Variants in AMY2A observed in about 807,000 individuals in gnomAD.
AMY2A encodes the protein amylase alpha 2A, also known as pancreatic alpha-amylase.
A neutral mutation model predicts 43.0 loss-of-function variants in AMY2A; 16 were observed. The observed-to-expected ratio is 0.37, with a 90% CI of 0.25 to 0.56. AMY2A has a LOEUF of 0.56. Among genes scored for constraint, AMY2A ranks in the 20% least tolerant of loss-of-function variants. The pLI is 0.77. For missense variants in AMY2A, 212 were observed against 456.8 expected (o/e 0.46, Z 4.89); for synonymous variants, 70 against 144.6 (o/e 0.48, Z 3.70).
chr1:103,617,271 A>T, upstream of AMY2A: 4 of 1,355,872 alleles, frequency 3.0e-6, no homozygotes, highest in South Asian at 5.7e-5. Context: ...TCCATGAGAG[A>T]CTTTTTGATG....
In AMY2A at chr1:103,623,478, G is replaced by A. The variant is rs1385924555; in HGVS notation, c.1102-388G>A. ...AATTTTTTAAAAATTAGCTGGTTGCGGTGGTGCACACCAACAGTCTTAGCT... is the reference window on the plus strand; with the variant it reads ...AATTTTTTAAAAATTAGCTGGTTGCAGTGGTGCACACCAACAGTCTTAGCT... On this transcript the variant is annotated intron_variant, in intron 7 of 9. Transcript: ENST00000414303. Among the ~76,000 whole-genome samples the A allele has an allele frequency of 1.1e-4, 9 of 79,126 alleles. 1 individual carries two copies. Among genetic ancestry groups the A allele is most frequent in the African/African-American group, 4.4e-4 (5 of 11,382 alleles). 51.9% of individuals were successfully genotyped at this position (79,126 alleles called of 152,430 possible). A position where few individuals can be genotyped will look rare whatever the true frequency, so the allele number is the denominator to read the frequency against.
At chr1:103,618,149 T>A (rs192494583) in intron 2 of AMY2A, 49 bp downstream of exon 2, 1 of 1,575,774 alleles carries the variant, frequency 6.3e-7, no homozygotes, top group Non-Finnish European at 8.6e-7. Context: ...GAAAATGGTT[T>A]CTCTCTCTTC....
At chr1:103,618,410 T>C (rs1653141356) in intron 2 of AMY2A, among the ~76,000 whole-genome samples, 3 of 150,768 alleles carry the variant, frequency 2.0e-5, no homozygotes, top group Admixed American at 6.6e-5. Context: ...TAATTCCAGT[T>C]ACAATGTTTG....
rs752403541 is a variant in AMY2A, at chr1:103,618,077, G to T, written c.292G>T (p.Val98Leu). ...AAATGAAGATGAATTTAGAAACATG[G>T]TGACTAGATGTAACAATGTTGGGGT... is the stretch of plus-strand genomic sequence containing the variant. The part of the protein sequence containing the change: ...SGNEDEFRNM[V>L]TRCNNVGVRI... The change falls in exon 2 of 10, where the codon GTG becomes TTG. Residue 98 changes from valine (V) to leucine (L), a missense_variant. Val to Leu is a conservative substitution (Grantham distance 32). Around this residue, in one of 2 missense-constraint regions of AMY2A, gnomAD observed 199 missense variants for 210.6 expected, o/e 0.94. Coordinates refer to ENST00000414303, the MANE Select transcript of AMY2A (RefSeq NM_000699.4). 6.2e-6 allele frequency: 10 copies of T among 1,600,016 alleles called. No individual in the cohort carries two copies. The Admixed American group carries it at 1.7e-4, about 27-fold the overall frequency.
upstream of AMY2A, chr1:103,617,314 C>A (rs2101097486): frequency 6.6e-7 from 1 of 1,513,066 alleles, no homozygotes; most frequent in Non-Finnish European, 9.0e-7. Context: ...ATTGATAATC[C>A]TTTTCAGATT....
chr1:103,619,858 T>C, intron 4 of AMY2A, 74 bp downstream of exon 4: 2 of 1,581,900 alleles, frequency 1.3e-6, no homozygotes, highest in Non-Finnish European at 1.7e-6. Context: ...TAATTAAAAA[T>C]GCAATTTCTG....
chr1:103,624,277 C>CT (rs1024089576), intron 9 of AMY2A, 56 bp downstream of exon 9: 15 of 656,700 alleles, frequency 2.3e-5, no homozygotes, highest in Admixed American at 8.3e-5. Flanking sequence ...TTGGTTTATT[C>CT]TTTTTTTTCT....
intron 1 of AMY2A, 107 bp from the exon 2 acceptor site, chr1:103,617,847 C>G: frequency 1.9e-6 from 3 of 1,566,036 alleles, no homozygotes; most frequent in East Asian, 2.2e-5. Flanking sequence ...AGATAGCTGC[C>G]TATACCAAGA....
In AMY2A at chr1:103,619,899, C is replaced by A; in HGVS notation, c.744+115C>A. ...TAAGGAATGAGACATTTACATAAAA[C>A]AGTGTTCTTTAACCTCCTCTTCTTC... On this transcript the variant is annotated intron_variant, in intron 4 of 9. Transcript: ENST00000414303. 4 of 1,505,744 alleles carry A rather than the reference C, an allele frequency of 2.7e-6. 1 individual carries two copies. The highest frequency in any genetic ancestry group is 3.6e-6 in the Non-Finnish European group (4 of 1,100,014). 93.3% of individuals were successfully genotyped at this position (1,505,744 alleles called of 1,614,324 possible).
Position 103,618,070 on chromosome 1 carries a change from A to T in AMY2A, c.285A>T (p.Arg95Ser), listed in dbSNP as rs201971373. The change falls in exon 2 of 10, where the codon AGA becomes AGT. Residue 95 changes from arginine (R) to serine (S), a missense_variant. Transcript: ENST00000414303. ...CTRSGNEDEF[R>S]NMVTRCNNVG... ...GATCTGGAAATGAAGATGAATTTAG[A>T]AACATGGTGACTAGATGTAACAATG... is the stretch of plus-strand genomic sequence containing the variant. 298 of 1,600,520 alleles carry T rather than the reference A, an allele frequency of 1.9e-4. 4 individuals are homozygous for T. In the East Asian group the frequency reaches 6.3e-3, roughly 34 times the overall value.
rs566657194 is a variant in AMY2A, at chr1:103,617,543, C to T, written c.103C>T (p.Arg35Ter). 9.4e-6 allele frequency: 15 copies of T among 1,600,710 alleles called. 2 individuals carry two copies. The highest frequency in any genetic ancestry group is 2.7e-5 in the African/African-American group (2 of 74,716). ...RTSIVHLFEWRWVDIALECER... is the reference protein window; with the variant it reads ...RTSIVHLFEW ...ATCTATTGTTCATCTGTTTGAATGG[C>T]GATGGGTTGATATTGCTCTTGAATG... The change falls in exon 1 of 10, where the codon CGA becomes TGA. Residue 35 changes from arginine to a stop codon, truncating the protein, a stop_gained. Transcript: ENST00000414303. LOFTEE classifies it high-confidence loss of function.
In AMY2A at chr1:103,623,554, G is replaced by T. The variant is rs1653243535; in HGVS notation, c.1102-312G>T. Among the ~76,000 whole-genome samples, 2 of 87,178 alleles carry T rather than the reference G, an allele frequency of 2.3e-5. 1 individual carries two copies. Among genetic ancestry groups the T allele is most frequent in the Non-Finnish European group, 4.6e-5 (2 of 43,734 alleles). 57.2% of individuals were successfully genotyped at this position (87,178 alleles called of 152,430 possible). A position where few individuals can be genotyped will look rare whatever the true frequency, so the allele number is the denominator to read the frequency against. On this transcript the variant is annotated intron_variant, in intron 7 of 9. Transcript: ENST00000414303. ...CGCTTGAGCCTGGGAGATCAAGGCT[G>T]CAGTGAGCTATGATCATGCCACTGT...
rs1653130634 is a variant in AMY2A, at chr1:103,618,116, T to G, written c.315+16T>G. On this transcript the variant is annotated intron_variant, in intron 2 of 9. Transcript: ENST00000414303. The stretch of plus-strand genomic sequence containing the variant: ...CAATGTTGGGGTAAGTGAATTCTAG[T>G]TTCCTTTAAAAATAACAGACAGGAA... The G allele has an allele frequency of 6.3e-7, 1 of 1,591,126 alleles. No individual in the cohort carries two copies. Among genetic ancestry groups the G allele is most frequent in the African/African-American group, 1.3e-5 (1 of 74,516 alleles).
chr1:103,620,086 CTTA>C (rs1445023908), intron 4 of AMY2A, among the ~76,000 whole-genome samples: 14 of 145,368 alleles, frequency 9.6e-5, no homozygotes, highest in African/African-American at 3.2e-4. Context: ...AGTGTGAGCT[CTTA>C]TTATTATCAT....
intron 2 of AMY2A, 135 bp from the exon 3 acceptor site, chr1:103,618,776 A>T: frequency 2.0e-6 from 3 of 1,489,566 alleles, no homozygotes; most frequent in Non-Finnish European, 2.7e-6. Flanking sequence ...TTGATTTTTG[A>T]TCTTGTAGGA....
At chr1:103,619,913 C>G (rs537639234) in intron 4 of AMY2A, 129 bp downstream of exon 4, 1 of 1,476,566 alleles carries the variant, frequency 6.8e-7, no homozygotes, top group African/African-American at 1.4e-5. Context: ...GTTCTTTAAC[C>G]TCCTCTTCTT....
intron 7 of AMY2A, among the ~76,000 whole-genome samples, chr1:103,623,485 C>A (rs567893119): frequency 0.013 from 1,038 of 79,022 alleles, 361 homozygotes; most frequent in South Asian, 0.029. Flanking sequence ...TGCGGTGGTG[C>A]ACACCAACAG....
chr1:103,617,684 G>T (rs1289498992), intron 1 of AMY2A, 76 bp downstream of exon 1: 3 of 1,597,230 alleles, frequency 1.9e-6, no homozygotes, highest in African/African-American at 2.7e-5. Context: ...TATCTGTGAA[G>T]CTTGGGCAAC....
chr1:103,617,272 C>A (rs915023059), upstream of AMY2A: 12 of 1,365,268 alleles, frequency 8.8e-6, 1 homozygote, highest in Non-Finnish European at 1.2e-5. Context: ...CCATGAGAGA[C>A]TTTTTGATGT....
Sources: allele counts gnomAD v4.1 joint callset (sites outside exome capture counted in the v4.1 genomes callset), GRCh38; gene constraint gnomAD v4.1.1; regional missense constraint gnomAD v4.1.1; transcripts MANE v1.5; gene names NCBI Gene and HGNC (gene_info 2026-07-23, HGNC 2026-07-21).